Variants in ZNF559 observed in about 807,000 individuals in gnomAD.
ZNF559 encodes putative protein product of Nbla00121.
In ZNF559, 17 loss-of-function variants were observed where a neutral mutation model predicts 14.2. The ratio of observed to expected loss-of-function variants is 1.20; its 90% confidence interval spans 0.82 to 1.80. The LOEUF (loss-of-function observed/expected upper bound fraction) is 1.80. Ranked by LOEUF, ZNF559 falls within the 40% of genes most tolerant of loss-of-function variation. ZNF559 has a pLI of 0.00. For synonymous variants in ZNF559, 244 were observed against 212.4 expected (o/e 1.15, Z -1.29); for missense variants, 740 against 629.7 (o/e 1.18, Z -1.88).
At chr19:9,337,483 A>C (rs921067836) in intron 2 of ZNF559, among the ~76,000 whole-genome samples, 1 of 152,192 alleles carries the variant, frequency 6.6e-6, no homozygotes, top group African/African-American at 2.4e-5. Context: ...CTTTCCGTAC[A>C]TCATTTCATG....
Position 9,324,192 on chromosome 19 carries a change from C to T in ZNF559, c.-242C>T, listed in dbSNP as rs185319839. 1.1e-4 allele frequency: 167 copies of T among 1,536,078 alleles called. 1 individual carries two copies. The highest frequency in any genetic ancestry group is 6.7e-4 in the Middle Eastern group (4 of 5,990). ...CTGCGTGGGCGCATGCGCATAACGG[C>T]CGCCATCTTAACAGCGCGTTCCCGT... On this transcript the variant is annotated 5_prime_UTR_variant, in exon 1 of 7. Transcript: ENST00000603380.
chr19:9,324,167 C>G (rs774947243), upstream of ZNF559: 9 of 1,536,072 alleles, frequency 5.9e-6, no homozygotes, highest in Non-Finnish European at 7.8e-6. Flanking sequence ...CGCGGCGTGT[C>G]TGCGTGGGCG....
At chr19:9,332,767 A>T (rs532447383) in intron 2 of ZNF559, among the ~76,000 whole-genome samples, 3 of 152,096 alleles carry the variant, frequency 2.0e-5, no homozygotes, top group Admixed American at 2.0e-4. Context: ...TTCTCTCATC[A>T]CTCATCCAAG....
intron 2 of ZNF559, among the ~76,000 whole-genome samples, chr19:9,328,320 A>T (rs192394856): frequency 2.1e-3 from 309 of 146,502 alleles, no homozygotes; most frequent in Non-Finnish European, 2.7e-3. Context: ...TTATGTTATG[A>T]ATTTGACATA....
chr19:9,332,916 C>G (rs2067016056), intron 2 of ZNF559: 1 of 152,224 alleles, frequency 6.6e-6, no homozygotes, highest in South Asian at 2.1e-4. Flanking sequence ...GAAGGATCAA[C>G]CCTTGGAAGT....
intron 4 of ZNF559, among the ~76,000 whole-genome samples, chr19:9,338,837 AG>A (rs1323666728): frequency 1.3e-5 from 2 of 152,218 alleles, no homozygotes; most frequent in East Asian, 3.9e-4. Context: ...TTGCTGTGAT[AG>A]GGAGAGAATG....
At chr19:9,337,462 G>A (rs566311722) in intron 2 of ZNF559, among the ~76,000 whole-genome samples, 2 of 151,942 alleles carry the variant, frequency 1.3e-5, no homozygotes, top group African/African-American at 4.9e-5. Context: ...ACCCAGGCCT[G>A]TTGAGTTAAC....
At position 9,344,639 on chromosome 19, in the gene ZNF559, A is replaced by C. The variant is rs1301026494; in HGVS notation, c.*1571A>C. 8.1e-6 allele frequency: 1 copy of C among 122,990 alleles called. No individual in the cohort carries two copies. The highest frequency in any genetic ancestry group is 1.8e-5 in the Non-Finnish European group (1 of 56,260). 7.6% of individuals were successfully genotyped at this position (122,990 alleles called of 1,614,324 possible). On this transcript the variant is annotated 3_prime_UTR_variant, in exon 7 of 7. Coordinates refer to ENST00000603380, the MANE Select transcript of ZNF559 (RefSeq NM_032497.3). ...ACTCTAGCCTGGGCAACAGGATGAG[A>C]CCCTGTCTCAAAAAAAAAAGAAAAT...
rs186124672 is a variant in ZNF559 at position 9,345,760 on chromosome 19, A to G, written c.*2692A>G. Reference sequence around the variant, plus strand: ...ATTTATTGAATTTTGAGAGTTTAAAATTTGTAATATATTTAATATTAAACC... The same window carrying G: ...ATTTATTGAATTTTGAGAGTTTAAAGTTTGTAATATATTTAATATTAAACC... On this transcript the variant is annotated 3_prime_UTR_variant, in exon 7 of 7. Transcript: ENST00000603380. 1.3e-4 allele frequency: 20 copies of G among 151,608 alleles called. No individual in the cohort carries two copies. Among genetic ancestry groups the G allele is most frequent in the Non-Finnish European group, 1.2e-4 (8 of 67,880 alleles). The allele number at this position is 151,608 out of a possible 1,614,324, so 9.4% of individuals were successfully genotyped here.
chr19:9,337,371 C>CT lies in ZNF559; in HGVS notation c.-119-424dup, dbSNP rs139776980. 2.8e-4 allele frequency among the ~76,000 whole-genome samples: 43 copies of CT among 152,330 alleles called. No individual in the cohort carries two copies. The East Asian group carries it at 6.4e-3, about 23-fold the overall frequency. ...CTTACCAGGGAAGATATTCCATAAG[C>CT]TAAAAGGTCATCTCTCACAAACTGA... On this transcript the variant is annotated intron_variant, in intron 2 of 6. Transcript: ENST00000603380.
intron 2 of ZNF559, among the ~76,000 whole-genome samples, chr19:9,332,657 G>A (rs927728303): frequency 3.9e-5 from 6 of 152,110 alleles, no homozygotes; most frequent in Admixed American, 6.6e-5. Flanking sequence ...TAACTGAGAT[G>A]TCTCAGAATT....
chr19:9,327,496 G>A lies in ZNF559; in HGVS notation c.-120+2716G>A, dbSNP rs368356915. Among the ~76,000 whole-genome samples the A allele has an allele frequency of 1.3e-3, 194 of 152,184 alleles. 1 individual carries two copies. The highest frequency in any genetic ancestry group is 2.0e-3 in the African/African-American group (84 of 41,538). ...ACTCTTGACCTCAGGTGATCCTCCC[G>A]CCTCGGCCTCCCAAAGTGCTGGAAT... On this transcript the variant is annotated intron_variant, in intron 2 of 6. Transcript: ENST00000603380.
At chr19:9,329,187 A>AC (rs1473740579) in intron 2 of ZNF559, among the ~76,000 whole-genome samples, 1 of 152,176 alleles carries the variant, frequency 6.6e-6, no homozygotes, top group Non-Finnish European at 1.5e-5. Flanking sequence ...AAATGGAATG[A>AC]CCTTGAGCAT....
intron 2 of ZNF559, among the ~76,000 whole-genome samples, chr19:9,332,584 T>C (rs1873550128): frequency 6.6e-6 from 1 of 152,122 alleles, no homozygotes; most frequent in Non-Finnish European, 1.5e-5. Context: ...TGATATACTA[T>C]GGTCTAATAT....
In ZNF559 at chr19:9,342,084, A is replaced by G. The variant is rs1568368256; in HGVS notation, c.633A>G (p.Arg211=). The change falls in exon 7 of 7, where the codon AGA becomes AGG. Residue 211 remains arginine (R), a synonymous_variant. Transcript: ENST00000603380. Reference sequence around the variant, plus strand: ...GTGTAAGAATTTATGGTGGAGAGAGACCATATACTCATAAGGAGTATGTCG... The same window carrying G: ...GTGTAAGAATTTATGGTGGAGAGAGGCCATATACTCATAAGGAGTATGTCG... ...RECVRIYGGE[R]PYTHKEYVET... 1 of 1,612,852 alleles carries G rather than the reference A, an allele frequency of 6.2e-7. No homozygotes were observed. The highest frequency in any genetic ancestry group is 8.5e-7 in the Non-Finnish European group (1 of 1,179,640).
At chr19:9,337,924 A>G (rs1487652407) in intron 3 of ZNF559, 66 bp downstream of exon 3, 1 of 1,535,584 alleles carries the variant, frequency 6.5e-7, no homozygotes, top group African/African-American at 1.4e-5. Context: ...CCATAAGTTC[A>G]GACAGTGTCT....
rs116407145 is a variant in ZNF559, at chr19:9,329,032, C to G, written c.-120+4252C>G. Reference sequence around the variant, plus strand: ...CAACAACTCAAAAAAGTCATTAGAACTGCTTTGTTCTTTTTGTGGTGACTG... The same window carrying G: ...CAACAACTCAAAAAAGTCATTAGAAGTGCTTTGTTCTTTTTGTGGTGACTG... On this transcript the variant is annotated intron_variant, in intron 2 of 6. Transcript: ENST00000603380. 9.7e-3 allele frequency among the ~76,000 whole-genome samples: 1,471 copies of G among 152,246 alleles called. 25 individuals are homozygous for G. Among genetic ancestry groups the G allele is most frequent in the African/African-American group, 0.033 (1,365 of 41,538 alleles).
intron 4 of ZNF559, 64 bp downstream of exon 4, chr19:9,338,646 C>A: frequency 7.6e-7 from 1 of 1,317,728 alleles, no homozygotes; most frequent in Non-Finnish European, 1.1e-6. Context: ...GATGTGTTTT[C>A]TCCTAGTGGA....
chr19:9,324,058 A>T (rs1476494365), upstream of ZNF559: 4 of 1,196,306 alleles, frequency 3.3e-6, no homozygotes, highest in African/African-American at 1.5e-5. Flanking sequence ...GGAGGTAAAC[A>T]GCATTTCCTC....
Sources: gnomAD v4.1 joint callset for allele counts (sites outside exome capture counted in the v4.1 genomes callset) on GRCh38, gnomAD v4.1.1 for gene constraint, MANE v1.5 for transcripts, NCBI Gene and HGNC (gene_info 2026-07-23, HGNC 2026-07-21) for gene names.